The following BMAL2 variants were observed in gnomAD, a reference collection of about 807,000 sequenced individuals.
The protein encoded by BMAL2 is basic helix-loop-helix ARNT like 2.
chr12:27,406,071 C>G, the BMAL2 span, among the ~76,000 whole-genome samples: 11 of 152,334 alleles, frequency 7.2e-5, no homozygotes, highest in Admixed American at 5.9e-4. Context: ...CAAACAAAGC[C>G]TCCAAGAAAT....
chr12:27,404,039 A>G, the BMAL2 span, among the ~76,000 whole-genome samples: 8 of 151,728 alleles, frequency 5.3e-5, no homozygotes, highest in South Asian at 2.1e-4. Context: ...GTGCACGCCT[A>G]TAGTCCCAGC....
the BMAL2 span, among the ~76,000 whole-genome samples, chr12:27,360,441 T>C: frequency 6.6e-5 from 10 of 152,176 alleles, no homozygotes; most frequent in African/African-American, 2.4e-4. Context: ...ATAATTATGC[T>C]GGGGTTAAGA....
At chr12:27,412,629 C>A in the BMAL2 span, among the ~76,000 whole-genome samples, 1 of 151,694 alleles carries the variant, frequency 6.6e-6, no homozygotes, top group Non-Finnish European at 1.5e-5. Context: ...TCAAGAAAAC[C>A]AATGTACACA....
the BMAL2 span, among the ~76,000 whole-genome samples, chr12:27,358,878 C>T: frequency 2.6e-5 from 4 of 151,808 alleles, no homozygotes; most frequent in Admixed American, 6.6e-5. Context: ...ATCTCTGTTG[C>T]GCAAATTTTT....
the BMAL2 span, among the ~76,000 whole-genome samples, chr12:27,356,370 A>G: frequency 6.6e-6 from 1 of 152,170 alleles, no homozygotes; most frequent in African/African-American, 2.4e-5. Context: ...TTAGCTTCCC[A>G]CTACCTGGAG....
chr12:27,405,145 C>T, the BMAL2 span, among the ~76,000 whole-genome samples: 1 of 152,218 alleles, frequency 6.6e-6, no homozygotes, highest in South Asian at 2.1e-4. Flanking sequence ...GGAAGCCTGC[C>T]TGCCTCTGTA....
At chr12:27,405,599 C>T in the BMAL2 span, among the ~76,000 whole-genome samples, 3 of 152,128 alleles carry the variant, frequency 2.0e-5, no homozygotes. Context: ...TCCATCTGTA[C>T]GTCACCATCA....
the BMAL2 span, among the ~76,000 whole-genome samples, chr12:27,372,916 GC>G: frequency 3.9e-5 from 6 of 152,182 alleles, no homozygotes; most frequent in Admixed American, 3.9e-4. Context: ...CTCGTGATCT[GC>G]CCACCTCGGC....
chr12:27,389,967 C>G, the BMAL2 span: 12 of 1,077,420 alleles, frequency 1.1e-5, no homozygotes, highest in Non-Finnish European at 1.6e-5. Context: ...ACTGTACAAT[C>G]ATGCCATTGC....
At chr12:27,389,359 G>A in the BMAL2 span, 4 of 1,128,712 alleles carry the variant, frequency 3.5e-6, no homozygotes, top group Non-Finnish European at 5.2e-6. Context: ...TAAAAGTTTA[G>A]CTACACAGTG....
the BMAL2 span, among the ~76,000 whole-genome samples, chr12:27,338,327 A>T: frequency 6.6e-6 from 1 of 150,998 alleles, no homozygotes; most frequent in South Asian, 2.1e-4. Context: ...ATGGTACAAT[A>T]TATGGGCTAA....
the BMAL2 span, among the ~76,000 whole-genome samples, chr12:27,408,798 C>A: frequency 6.6e-5 from 10 of 152,190 alleles, no homozygotes; most frequent in African/African-American, 2.4e-4. Flanking sequence ...AAGAGGAAGT[C>A]AAATTGTCCC....
the BMAL2 span, among the ~76,000 whole-genome samples, chr12:27,380,907 G>A: frequency 6.6e-6 from 1 of 151,896 alleles, no homozygotes; most frequent in South Asian, 2.1e-4. Flanking sequence ...GATCGCTTGA[G>A]CCTGGGAGGT....
the BMAL2 span, among the ~76,000 whole-genome samples, chr12:27,347,023 T>C: frequency 6.6e-6 from 1 of 152,198 alleles, no homozygotes; most frequent in African/African-American, 2.4e-5. Flanking sequence ...CCTTCCACCT[T>C]GAGTGGATGC....
chr12:27,404,472 A>C, the BMAL2 span, among the ~76,000 whole-genome samples: 6 of 152,224 alleles, frequency 3.9e-5, no homozygotes, highest in Non-Finnish European at 8.8e-5. Flanking sequence ...CAGTAGGTAG[A>C]AATGAATTAA....
At chr12:27,374,669 T>C in the BMAL2 span, among the ~76,000 whole-genome samples, 1 of 152,202 alleles carries the variant, frequency 6.6e-6, no homozygotes, top group African/African-American at 2.4e-5. Flanking sequence ...GAGAGGCTGT[T>C]TAATTTTATT....
the BMAL2 span, among the ~76,000 whole-genome samples, chr12:27,371,188 G>A: frequency 2.6e-5 from 4 of 152,142 alleles, no homozygotes; most frequent in Admixed American, 2.6e-4. Flanking sequence ...ATGAAGAATA[G>A]AAATGAGTCT....
the BMAL2 span, among the ~76,000 whole-genome samples, chr12:27,336,972 T>G: frequency 7.1e-6 from 1 of 141,512 alleles, no homozygotes; most frequent in African/African-American, 2.7e-5. Context: ...AAAAAAAAAG[T>G]ATTTTAAACT....
chr12:27,412,435 T>C, the BMAL2 span, among the ~76,000 whole-genome samples: 1 of 152,108 alleles, frequency 6.6e-6, no homozygotes, highest in South Asian at 2.1e-4. Flanking sequence ...GGAACTAATA[T>C]GAAGGAAGCC....
Sources: gnomAD v4.1 joint callset for allele counts (sites outside exome capture counted in the v4.1 genomes callset) on GRCh38, gnomAD v4.1.1 for gene constraint, MANE v1.5 for transcripts, NCBI Gene and HGNC (gene_info 2026-07-23, HGNC 2026-07-21) for gene names.